RNF111: variants seen among roughly 807,000 people sequenced by gnomAD.
RNF111 encodes E3 ubiquitin-protein ligase Arkadia.
A neutral mutation model predicts 95.1 loss-of-function variants in RNF111; 17 were observed. That is an observed-to-expected ratio of 0.18 (90% CI 0.12 to 0.27). RNF111 has a LOEUF of 0.27. Ranked by LOEUF, RNF111 falls within the 10% of genes least tolerant of loss-of-function variation. RNF111 has a pLI of 1.00. For synonymous variants in RNF111, 440 were observed against 414.8 expected (o/e 1.06, Z -0.74); for missense variants, 1,189 against 1,210.4 (o/e 0.98, Z 0.26).
At chr15:59,052,475 A>T (rs1374231886) in intron 3 of RNF111, 44 bp downstream of exon 3, 1 of 1,380,864 alleles carries the variant, frequency 7.2e-7, no homozygotes, top group East Asian at 2.6e-5. Flanking sequence ...TATTAAATAT[A>T]AATATTAAAC....
chr15:59,017,753 C>CTTTT (rs200975904), intron 1 of RNF111, among the ~76,000 whole-genome samples: 13 of 120,966 alleles, frequency 1.1e-4, no homozygotes, highest in East Asian at 2.2e-4. Flanking sequence ...TTGTTGAACT[C>CTTTT]TTTTTTTTTT....
intron 2 of RNF111, among the ~76,000 whole-genome samples, chr15:59,034,995 C>T (rs1472532954): frequency 6.6e-6 from 1 of 152,186 alleles, no homozygotes; most frequent in Non-Finnish European, 1.5e-5. Flanking sequence ...AATTGGCTCA[C>T]AGTTCCACAT....
chr15:59,076,194 C>T lies in RNF111; in HGVS notation c.1927C>T (p.Arg643Ter). 6.2e-7 allele frequency: 1 copy of T among 1,613,492 alleles called. No individual in the cohort carries two copies. Among genetic ancestry groups the T allele is most frequent in the Non-Finnish European group, 8.5e-7 (1 of 1,179,988 alleles). ...TCCACAGCCCTCTCTCTCATCATGT[C>T]GACATTACATGCCACCCCCTTGTAA... ...PPPQPSLSSC[R>*]HYMPPPYASL... The change falls in exon 7 of 14, where the codon CGA becomes TGA. Residue 643 changes from arginine to a stop codon, truncating the protein, a stop_gained. Transcript: ENST00000348370. LOFTEE classifies it high-confidence loss of function.
At chr15:59,004,662 C>T (rs1362486439) in intron 1 of RNF111, among the ~76,000 whole-genome samples, 1 of 152,032 alleles carries the variant, frequency 6.6e-6, no homozygotes, top group African/African-American at 2.4e-5. Flanking sequence ...TATACTGATC[C>T]AAGGAAAGCA....
intron 6 of RNF111, among the ~76,000 whole-genome samples, chr15:59,074,406 C>A (rs987594799): frequency 2.0e-5 from 3 of 152,192 alleles, no homozygotes; most frequent in African/African-American, 7.2e-5. Context: ...CATAAATGAT[C>A]TTAGCTGGAT....
intron 1 of RNF111, among the ~76,000 whole-genome samples, chr15:59,012,814 C>T (rs1369725744): frequency 6.6e-6 from 1 of 151,614 alleles, no homozygotes; most frequent in Non-Finnish European, 1.5e-5. Flanking sequence ...TCTCAGCTCA[C>T]TGTAACCTGT....
chr15:59,066,200 GAT>G (rs2042646907), intron 5 of RNF111, among the ~76,000 whole-genome samples: 2 of 152,182 alleles, frequency 1.3e-5, no homozygotes, highest in African/African-American at 4.8e-5. Context: ...AGGAAAACAT[GAT>G]CTATTGCCAT....
intron 1 of RNF111, among the ~76,000 whole-genome samples, chr15:58,990,145 C>T (rs117165372): frequency 0.01 from 1,584 of 152,202 alleles, 11 homozygotes; most frequent in Non-Finnish European, 0.017. Context: ...ATTAGATCTC[C>T]GAGTTTATTG....
chr15:59,066,570 C>T lies in RNF111; in HGVS notation c.1367-194C>T, dbSNP rs2042665352. On this transcript the variant is annotated intron_variant, in intron 5 of 13. Coordinates refer to ENST00000348370, the MANE Select transcript of RNF111 (RefSeq NM_017610.8). Reference sequence around the variant, plus strand: ...GGTTTGGTGAGCCAAGATGGCGCCACTGCACTCCAGCCTGTGCAACAACAG... The same window carrying T: ...GGTTTGGTGAGCCAAGATGGCGCCATTGCACTCCAGCCTGTGCAACAACAG... Among the ~76,000 whole-genome samples the T allele has an allele frequency of 2.0e-5, 3 of 152,164 alleles. No homozygotes were observed. The South Asian group carries it at 6.2e-4, about 32-fold the overall frequency.
intron 1 of RNF111, among the ~76,000 whole-genome samples, chr15:59,011,870 T>C (rs2039831407): frequency 6.6e-6 from 1 of 152,128 alleles, no homozygotes; most frequent in Admixed American, 6.6e-5. Flanking sequence ...AACTGACACT[T>C]GGCATATGTT....
intron 3 of RNF111, 87 bp downstream of exon 3, chr15:59,052,518 ATT>A (rs1395381933): frequency 5.4e-6 from 5 of 929,396 alleles, no homozygotes; most frequent in Non-Finnish European, 7.1e-6. Context: ...CATTCTTTTT[ATT>A]TATTTATTTT....
intron 4 of RNF111, among the ~76,000 whole-genome samples, chr15:59,058,101 A>T (rs1206923269): frequency 1.3e-5 from 2 of 152,086 alleles, no homozygotes; most frequent in Admixed American, 1.3e-4. Context: ...TACCTGAAAA[A>T]CTGTTAAATC....
rs60350601 is a variant in RNF111 at position 58,996,649 on chromosome 15, CTTTTTTTTT to C, written c.-20+8602_-20+8610del. 3.1e-3 allele frequency among the ~76,000 whole-genome samples: 308 copies of C among 100,784 alleles called. 2 individuals are homozygous for C. The highest frequency in any genetic ancestry group is 0.01 in the East Asian group (40 of 3,812). The allele number at this position is 100,784 out of a possible 152,430, so 66.1% of individuals were successfully genotyped here. On this transcript the variant is annotated intron_variant, in intron 1 of 13. Transcript: ENST00000348370. The stretch of plus-strand genomic sequence containing the variant: ...GTGATTGAAAACTCATCAGTACTTT[CTTTTTTTTT>C]TTTTTTTTTTTTTTTTTTTTACCCA...
intron 1 of RNF111, among the ~76,000 whole-genome samples, chr15:59,026,702 C>A (rs1292186215): frequency 2.0e-5 from 3 of 147,194 alleles, no homozygotes; most frequent in Admixed American, 7.0e-5. Context: ...CAGCCTGATA[C>A]AATTACAGGG....
Position 59,083,107 on chromosome 15 carries a change from C to T in RNF111, c.2298-1022C>T, listed in dbSNP as rs113151179. Among the ~76,000 whole-genome samples, 633 of 151,722 alleles carry T rather than the reference C, an allele frequency of 4.2e-3. 5 individuals are homozygous for T. The highest frequency in any genetic ancestry group is 0.015 in the African/African-American group (613 of 41,312). On this transcript the variant is annotated intron_variant, in intron 8 of 13. Transcript: ENST00000348370. Reference sequence around the variant, plus strand: ...AGGGTTACACTGAGCTATGATTGTGCCACTGCACTTGATCCTGGAGCAAGA... The same window carrying T: ...AGGGTTACACTGAGCTATGATTGTGTCACTGCACTTGATCCTGGAGCAAGA...
intron 7 of RNF111, among the ~76,000 whole-genome samples, chr15:59,076,819 A>G (rs1243863721): frequency 7.9e-5 from 12 of 152,268 alleles, no homozygotes; most frequent in Non-Finnish European, 2.9e-5. Context: ...TCATAAGCTA[A>G]TAATGAAATG....
Position 59,058,652 on chromosome 15 carries a change from G to A in RNF111, c.1366+102G>A, listed in dbSNP as rs1432029436. ...AGATTTTAGCTATGTTAATAAGCGG[G>A]TATTCTTACATTATAATAAACTTCA... On this transcript the variant is annotated intron_variant, in intron 5 of 13. Coordinates refer to ENST00000348370, the MANE Select transcript of RNF111 (RefSeq NM_017610.8). The A allele has an allele frequency of 1.1e-5, 11 of 1,008,792 alleles. No homozygotes were observed. The African/African-American group carries it at 1.8e-4, about 16-fold the overall frequency. The allele number at this position is 1,008,792 out of a possible 1,614,324, so 62.5% of individuals were successfully genotyped here.
intron 1 of RNF111, among the ~76,000 whole-genome samples, chr15:59,016,560 C>T (rs1372672927): frequency 6.6e-6 from 1 of 152,174 alleles, no homozygotes; most frequent in Non-Finnish European, 1.5e-5. Context: ...AATAATTGAG[C>T]ATATACCATA....
rs1375685177 is a variant in RNF111 at position 59,097,256 on chromosome 15, A to G, written c.*2356A>G. ...GTAGCTGTCCAAATACATAAAAACT[A>G]AAATTCTTTTGTTAGCAAGTCCTTA... On this transcript the variant is annotated 3_prime_UTR_variant, in exon 14 of 14. Coordinates refer to ENST00000348370, the MANE Select transcript of RNF111 (RefSeq NM_017610.8). 6.6e-6 allele frequency: 1 copy of G among 152,268 alleles called. No homozygotes were observed. Among genetic ancestry groups the G allele is most frequent in the Non-Finnish European group, 1.5e-5 (1 of 68,050 alleles). The allele number at this position is 152,268 out of a possible 1,614,324, so 9.4% of individuals were successfully genotyped here. A position where few individuals can be genotyped will look rare whatever the true frequency, so the allele number is the denominator to read the frequency against.
Sources: allele counts gnomAD v4.1 joint callset (sites outside exome capture counted in the v4.1 genomes callset), GRCh38; gene constraint gnomAD v4.1.1; transcripts MANE v1.5; gene names NCBI Gene and HGNC (gene_info 2026-07-23, HGNC 2026-07-21).